Variants in UMAD1 observed in about 807,000 individuals in gnomAD.
UMAD1 encodes the protein UBAP1-MVB12-associated (UMA) domain containing 1, also known as UBAP1-MVB12-associated (UMA)-domain containing protein 1.
A neutral mutation model predicts 6.1 loss-of-function variants in UMAD1; 8 were observed. The ratio of observed to expected loss-of-function variants is 1.30; its 90% CI spans 0.76 to 2.35. The LOEUF is 2.35. Ranked by LOEUF, UMAD1 falls within the 30% of genes most tolerant of loss-of-function variation. The pLI, the probability that UMAD1 is intolerant of heterozygous loss-of-function variation, is 0.00. For missense variants in UMAD1, 130 were observed against 78.4 expected (o/e 1.66, Z -2.49); for synonymous variants, 56 against 31.4 (o/e 1.78, Z -2.61).
At chr7:7,821,888 TCCC>T (rs1563234272) in intron 3 of UMAD1, among the ~76,000 whole-genome samples, 1 of 152,194 alleles carries the variant, frequency 6.6e-6, no homozygotes, top group East Asian at 1.9e-4. Context: ...TTTTACTATA[TCCC>T]ATAAATTATG....
intron 3 of UMAD1, among the ~76,000 whole-genome samples, chr7:7,809,498 A>G (rs1308482095): frequency 4.6e-5 from 7 of 152,078 alleles, no homozygotes; most frequent in Non-Finnish European, 7.4e-5. Flanking sequence ...TGAAATGATT[A>G]AATCAGGCTA....
intron 2 of UMAD1, among the ~76,000 whole-genome samples, chr7:7,678,400 T>A (rs1256574373): frequency 2.0e-5 from 3 of 146,418 alleles, no homozygotes; most frequent in South Asian, 2.1e-4. Context: ...AAATAGCTAT[T>A]CAGATATATA....
rs1305042280 is a variant in UMAD1, at chr7:7,847,101, AAAAATATATATATAT to A, written c.157-30178_157-30164del. On this transcript the variant is annotated intron_variant, in intron 3 of 3. Coordinates refer to ENST00000682710, the MANE Select transcript of UMAD1 (RefSeq NM_001302348.2). ...AGACAGCAATGCAAAAAAAAAAAAA[AAAAATATATATATAT>A]ATATATATATATATATATATATATA... is the stretch of plus-strand genomic sequence containing the variant. 3.7e-4 allele frequency among the ~76,000 whole-genome samples: 12 copies of A among 32,180 alleles called. 2 individuals carry two copies. Among genetic ancestry groups the A allele is most frequent in the Non-Finnish European group, 4.9e-4 (10 of 20,332 alleles). 21.1% of individuals were successfully genotyped at this position (32,180 alleles called of 152,430 possible).
intron 2 of UMAD1, among the ~76,000 whole-genome samples, chr7:7,797,543 T>G (rs1216547639): frequency 2.6e-5 from 4 of 152,142 alleles, no homozygotes; most frequent in African/African-American, 7.2e-5. Context: ...TGGAAATTTC[T>G]GTCCTGTCCA....
chr7:7,849,975 T>C (rs1020687872), intron 3 of UMAD1, among the ~76,000 whole-genome samples: 4 of 152,138 alleles, frequency 2.6e-5, no homozygotes, highest in African/African-American at 9.7e-5. Flanking sequence ...CACATTCAGA[T>C]TGGCAAAGAT....
At chr7:7,645,974 G>A (rs529351436) in intron 1 of UMAD1, among the ~76,000 whole-genome samples, 1 of 152,260 alleles carries the variant, frequency 6.6e-6, no homozygotes, top group African/African-American at 2.4e-5. Flanking sequence ...CGTTTGCTCG[G>A]CTGCCGTGTA....
chr7:7,723,552 C>T (rs1781087948), intron 2 of UMAD1, among the ~76,000 whole-genome samples: 1 of 152,136 alleles, frequency 6.6e-6, no homozygotes, highest in South Asian at 2.1e-4. Flanking sequence ...CTACTCTTCC[C>T]AGCTGGGAGG....
intron 2 of UMAD1, among the ~76,000 whole-genome samples, chr7:7,764,280 T>C (rs183098622): frequency 1.3e-5 from 2 of 152,232 alleles, no homozygotes; most frequent in East Asian, 3.9e-4. Context: ...TTATATCAAC[T>C]TAAGAATGTC....
intron 2 of UMAD1, among the ~76,000 whole-genome samples, chr7:7,781,200 A>G (rs918919783): frequency 6.6e-6 from 1 of 152,170 alleles, no homozygotes; most frequent in Non-Finnish European, 1.5e-5. Context: ...ATTCTTTTAT[A>G]TCTTAGAATC....
chr7:7,833,961 C>G (rs1447554410), intron 3 of UMAD1, among the ~76,000 whole-genome samples: 1 of 144,796 alleles, frequency 6.9e-6, no homozygotes, highest in Admixed American at 6.8e-5. Flanking sequence ...TGTCATCAGT[C>G]TCAAGAATGT....
intron 3 of UMAD1, among the ~76,000 whole-genome samples, chr7:7,864,710 C>T (rs1784194933): frequency 6.7e-6 from 1 of 149,424 alleles, no homozygotes; most frequent in African/African-American, 2.5e-5. Flanking sequence ...TGAATAAAAA[C>T]AATGTTATCT....
intron 2 of UMAD1, among the ~76,000 whole-genome samples, chr7:7,778,263 T>TGAGA (rs1342531151): frequency 3.0e-3 from 402 of 135,772 alleles, no homozygotes; most frequent in African/African-American, 0.011. Flanking sequence ...TGTGTGTGTG[T>TGAGA]GTGTGTGTGT....
intron 2 of UMAD1, among the ~76,000 whole-genome samples, chr7:7,743,469 T>G (rs1781513371): frequency 6.6e-6 from 1 of 152,144 alleles, no homozygotes; most frequent in Non-Finnish European, 1.5e-5. Flanking sequence ...TTCAGTAGTG[T>G]TTAAAGATGT....
intron 3 of UMAD1, among the ~76,000 whole-genome samples, chr7:7,841,688 A>G (rs1783684658): frequency 1.3e-5 from 2 of 152,212 alleles, no homozygotes; most frequent in South Asian, 4.1e-4. Context: ...GCTGGCATGC[A>G]AGCAGCTTAG....
chr7:7,696,999 T>A (rs1780336125), intron 2 of UMAD1, among the ~76,000 whole-genome samples: 1 of 152,194 alleles, frequency 6.6e-6, no homozygotes, highest in Non-Finnish European at 1.5e-5. Flanking sequence ...AAACACCCTC[T>A]CTTTGCTCCA....
At chr7:7,862,698 A>T (rs910902537) in intron 3 of UMAD1, among the ~76,000 whole-genome samples, 2 of 152,242 alleles carry the variant, frequency 1.3e-5, no homozygotes, top group Non-Finnish European at 2.9e-5. Context: ...TAAGATGCTT[A>T]GTTTAACTGT....
At chr7:7,729,476 G>A (rs559575092) in intron 2 of UMAD1, among the ~76,000 whole-genome samples, 2 of 152,312 alleles carry the variant, frequency 1.3e-5, no homozygotes, top group South Asian at 4.1e-4. Context: ...TGGCTTCTGT[G>A]ATTAGGGTGC....
intron 3 of UMAD1, among the ~76,000 whole-genome samples, chr7:7,809,092 A>G (rs1782977412): frequency 6.6e-6 from 1 of 151,990 alleles, no homozygotes; most frequent in Non-Finnish European, 1.5e-5. Flanking sequence ...TGTACTAGCA[A>G]ATTTAATAGA....
At chr7:7,769,989 A>C (rs1211682882) in intron 2 of UMAD1, among the ~76,000 whole-genome samples, 1 of 152,172 alleles carries the variant, frequency 6.6e-6, no homozygotes, top group Admixed American at 6.5e-5. Context: ...GCCTCAGCTC[A>C]GTGCTCAGGA....
Sources: gnomAD v4.1 joint callset for allele counts (sites outside exome capture counted in the v4.1 genomes callset) on GRCh38, gnomAD v4.1.1 for gene constraint, MANE v1.5 for transcripts, NCBI Gene and HGNC (gene_info 2026-07-23, HGNC 2026-07-21) for gene names.